The following ARHGEF3 variants were observed in gnomAD, a reference collection of about 807,000 sequenced individuals.
ARHGEF3 encodes 59.8 kDA protein.
A neutral mutation model predicts 63.2 loss-of-function variants in ARHGEF3; 28 were observed. That is an observed-to-expected ratio of 0.44 (90% CI 0.33 to 0.61). The LOEUF (loss-of-function observed/expected upper bound fraction) is 0.61, where lower values mean the gene tolerates loss of function less well. Ranked by LOEUF, ARHGEF3 falls within the 20% of genes least tolerant of loss-of-function variation. The pLI is 0.03. For missense variants in ARHGEF3, 533 were observed against 659.3 expected (o/e 0.81, Z 2.10); for synonymous variants, 266 against 254.2 (o/e 1.05, Z -0.44).
chr3:56,899,178 T>G (rs1952132468), intron 3 of ARHGEF3, among the ~76,000 whole-genome samples: 1 of 152,200 alleles, frequency 6.6e-6, no homozygotes, highest in African/African-American at 2.4e-5. Context: ...GATGTTAGCT[T>G]CCCTGGCTAG....
chr3:56,984,891 C>G (rs558647286), intron 2 of ARHGEF3, among the ~76,000 whole-genome samples: 1 of 152,126 alleles, frequency 6.6e-6, no homozygotes, highest in Non-Finnish European at 1.5e-5. Flanking sequence ...TTGGTGGCCC[C>G]GTAATGACCA....
intron 2 of ARHGEF3, among the ~76,000 whole-genome samples, chr3:56,989,319 TG>T: frequency 6.6e-6 from 1 of 152,058 alleles, no homozygotes; most frequent in Non-Finnish European, 1.5e-5. Context: ...GCACTAGAAA[TG>T]GCCCTGTGGA....
intron 4 of ARHGEF3, among the ~76,000 whole-genome samples, chr3:56,840,270 A>G (rs779032778): frequency 8.5e-5 from 13 of 152,186 alleles, no homozygotes; most frequent in Non-Finnish European, 1.6e-4. Flanking sequence ...TTAGGGGACC[A>G]TAAATATTTA....
chr3:56,823,513 A>G (rs1320173682), intron 4 of ARHGEF3, among the ~76,000 whole-genome samples: 3 of 152,102 alleles, frequency 2.0e-5, no homozygotes, highest in African/African-American at 7.2e-5. Context: ...TTGGAAAGAC[A>G]CATCTGACTG....
In ARHGEF3 at chr3:56,755,170, A is replaced by C. The variant is rs376395747; in HGVS notation, c.205-19T>G. On this transcript the variant is annotated intron_variant, in intron 2 of 9. Coordinates refer to ENST00000296315, the MANE Select transcript of ARHGEF3 (RefSeq NM_019555.3). ...TGGAGCGCTAAACAATGAGAAAAAC[A>C]AACCATCACGGGGGCAGCGGCAGGA... 2.5e-5 allele frequency: 41 copies of C among 1,610,172 alleles called. No homozygotes were observed. The highest frequency in any genetic ancestry group is 3.1e-5 in the Non-Finnish European group (36 of 1,179,466).
intron 4 of ARHGEF3, among the ~76,000 whole-genome samples, chr3:56,812,645 T>C (rs1340978842): frequency 6.6e-6 from 1 of 152,262 alleles, no homozygotes; most frequent in Non-Finnish European, 1.5e-5. Flanking sequence ...AACTCTGTTT[T>C]CTTGAGGTGG....
At chr3:56,882,466 T>C (rs2040799435) in intron 3 of ARHGEF3, 1 of 839,108 alleles carries the variant, frequency 1.2e-6, no homozygotes, top group South Asian at 1.5e-5. Flanking sequence ...ATTTCTACCA[T>C]GGTACCCAAA....
intron 4 of ARHGEF3, among the ~76,000 whole-genome samples, chr3:56,878,861 AG>A (rs1159419553): frequency 2.6e-5 from 4 of 152,200 alleles, no homozygotes; most frequent in Non-Finnish European, 5.9e-5. Flanking sequence ...AGGCAAGCAA[AG>A]TTTCATCTGT....
chr3:57,044,319 T>C (rs1288729934), intron 1 of ARHGEF3, among the ~76,000 whole-genome samples: 2 of 152,124 alleles, frequency 1.3e-5, no homozygotes, highest in Non-Finnish European at 2.9e-5. Context: ...AGTGGTCCAC[T>C]TGGGGGGGTT....
At chr3:56,864,718 G>C (rs976149406) in intron 4 of ARHGEF3, among the ~76,000 whole-genome samples, 2 of 152,032 alleles carry the variant, frequency 1.3e-5, no homozygotes, top group Admixed American at 1.3e-4. Flanking sequence ...TACATGTAAG[G>C]TCCTCAAGGA....
chr3:56,967,830 A>C (rs1263066831), intron 2 of ARHGEF3, among the ~76,000 whole-genome samples: 3 of 79,112 alleles, frequency 3.8e-5, no homozygotes, highest in African/African-American at 1.5e-4. Flanking sequence ...AATATAATAT[A>C]TATTAATTAT....
chr3:56,860,450 G>A (rs895969031), intron 4 of ARHGEF3, among the ~76,000 whole-genome samples: 8 of 152,130 alleles, frequency 5.3e-5, no homozygotes, highest in African/African-American at 1.9e-4. Context: ...CCCAAAGTGT[G>A]AGCCACTGTG....
intron 2 of ARHGEF3, among the ~76,000 whole-genome samples, chr3:56,995,158 A>G (rs192899872): frequency 6.6e-6 from 1 of 152,256 alleles, no homozygotes; most frequent in Admixed American, 6.5e-5. Flanking sequence ...ATGGACTAAT[A>G]CAATGGCTGG....
intron 2 of ARHGEF3, among the ~76,000 whole-genome samples, chr3:57,013,177 G>C (rs943800745): frequency 1.3e-5 from 2 of 152,194 alleles, no homozygotes; most frequent in Non-Finnish European, 2.9e-5. Context: ...TGTGTCGCCA[G>C]AGCCTCCCAG....
chr3:56,730,053 C>CA (rs943396523), intron 9 of ARHGEF3, among the ~76,000 whole-genome samples: 7 of 152,066 alleles, frequency 4.6e-5, no homozygotes, highest in Non-Finnish European at 8.8e-5. Flanking sequence ...CGCCTTTTCT[C>CA]AAAAAATAAA....
At chr3:56,988,797 C>T (rs1317505855) in intron 2 of ARHGEF3, among the ~76,000 whole-genome samples, 1 of 152,142 alleles carries the variant, frequency 6.6e-6, no homozygotes, top group African/African-American at 2.4e-5. Flanking sequence ...GGTGTTTATG[C>T]AACAGTATGT....
chr3:57,073,518 G>GTAGATCTC lies in ARHGEF3; in HGVS notation c.-28+5707_-28+5708insGAGATCTA. ...ACCTCTGCAGTATCTGGGTGACTGTGGGGTTTGGCTCTGTTTGAGCACCCC... is the reference window on the plus strand; with the variant it reads ...ACCTCTGCAGTATCTGGGTGACTGTGTAGATCTCGGGTTTGGCTCTGTTTGAGCACCCC... On this transcript the variant is annotated intron_variant, in intron 1 of 12. Coordinates refer to the ARHGEF3 transcript ENST00000338458. 4 of 979,718 alleles carry GTAGATCTC rather than the reference G, an allele frequency of 4.1e-6. No individual in the cohort carries two copies. In the Admixed American group the frequency reaches 9.2e-5, roughly 22 times the overall value. The allele number at this position is 979,718 out of a possible 1,614,324, so 60.7% of individuals were successfully genotyped here.
intron 2 of ARHGEF3, among the ~76,000 whole-genome samples, chr3:56,983,178 T>C (rs1037566935): frequency 4.6e-5 from 7 of 152,190 alleles, no homozygotes; most frequent in Admixed American, 3.3e-4. Context: ...ATTTTTGAGG[T>C]AGCATCCAAC....
chr3:56,860,987 G>A (rs572933214), intron 4 of ARHGEF3, among the ~76,000 whole-genome samples: 3 of 152,266 alleles, frequency 2.0e-5, no homozygotes, highest in South Asian at 4.1e-4. Flanking sequence ...AAGGCAATGC[G>A]GCAGAAATAA....
Sources: gnomAD v4.1 joint callset for allele counts (sites outside exome capture counted in the v4.1 genomes callset) on GRCh38, gnomAD v4.1.1 for gene constraint, MANE v1.5 for transcripts, NCBI Gene and HGNC (gene_info 2026-07-23, HGNC 2026-07-21) for gene names.